MS4A1: variants seen among roughly 807,000 people sequenced by gnomAD.
MS4A1 encodes the protein B-lymphocyte antigen CD20.
A neutral mutation model predicts 26.5 loss-of-function variants in MS4A1; 16 were observed. The ratio of observed to expected loss-of-function variants is 0.60; its 90% CI spans 0.41 to 0.92. The LOEUF is 0.92. MS4A1 is among the 40% of genes least tolerant of loss of function. The probability of loss-of-function intolerance (pLI) is 0.00; values close to 1 mark genes in which losing one functional copy is unlikely to be tolerated. For synonymous variants in MS4A1, 128 were observed against 117.6 expected, an observed-to-expected ratio of 1.09 and a Z score of -0.57; for missense variants, 350 against 353.0, an observed-to-expected ratio of 0.99 and a Z score of 0.07.
rs2086293912 is a variant in MS4A1, at chr11:60,466,614, G to A, written c.574-345G>A. ...AAAATGCATCTCCCAAGGATGAAGAGGTCTCCTAGGCATGATGCCACACCA... is the reference window on the plus strand; with the variant it reads ...AAAATGCATCTCCCAAGGATGAAGAAGTCTCCTAGGCATGATGCCACACCA... On this transcript the variant is annotated intron_variant, in intron 6 of 7. Transcript: ENST00000345732. The A allele has an allele frequency of 2.0e-5, 7 of 349,648 alleles. No homozygotes were observed. In the East Asian group the frequency reaches 4.7e-4, roughly 24 times the overall value. The allele number at this position is 349,648 out of a possible 1,614,324, so 21.7% of individuals were successfully genotyped here. A position where few individuals can be genotyped will look rare whatever the true frequency, so the allele number is the denominator to read the frequency against.
chr11:60,469,020 C>T lies in MS4A1; in HGVS notation c.*552C>T, dbSNP rs1338577259. 1 of 154,564 alleles carries T rather than the reference C, an allele frequency of 6.5e-6. No homozygotes were observed. Among genetic ancestry groups the T allele is most frequent in the Non-Finnish European group, 1.4e-5 (1 of 69,578 alleles). 9.6% of individuals were successfully genotyped at this position (154,564 alleles called of 1,614,324 possible). A position where few individuals can be genotyped will look rare whatever the true frequency, so the allele number is the denominator to read the frequency against. On this transcript the variant is annotated 3_prime_UTR_variant, in exon 8 of 8. Coordinates refer to ENST00000345732, the MANE Select transcript of MS4A1 (RefSeq NM_152866.3). ...TGGCACATTCTTAGAGTTACCACAC[C>T]CCATGAGGGAAGCTCTAAATAGCCA...
At chr11:60,462,892 T>G in intron 3 of MS4A1, 110 bp from the exon 4 acceptor site, 1 of 1,527,524 alleles carries the variant, frequency 6.5e-7, no homozygotes, top group Non-Finnish European at 9.0e-7. Flanking sequence ...ACTGCTTCCT[T>G]TAGGCATTCC....
At chr11:60,465,623 G>GATCT in intron 5 of MS4A1, 1 of 361,410 alleles carries the variant, frequency 2.8e-6, no homozygotes, top group South Asian at 3.3e-5. Context: ...TAGGATGGTG[G>GATCT]CAGTGGCAGT....
chr11:60,458,233 A>G (rs1442397500), intron 1 of MS4A1: 1 of 152,220 alleles, frequency 6.6e-6, no homozygotes, highest in Non-Finnish European at 1.5e-5. Context: ...CCTCGGAGAT[A>G]GGTGCACAGG....
At position 60,465,930 on chromosome 11, in the gene MS4A1, A is replaced by G. The variant is rs762309000; in HGVS notation, c.346A>G (p.Lys116Glu). 6.2e-7 allele frequency: 1 copy of G among 1,612,834 alleles called. No homozygotes were observed. Among genetic ancestry groups the G allele is most frequent in the East Asian group, 2.2e-5 (1 of 44,848 alleles). Residue 116 changes from lysine to glutamate, a missense_variant, in exon 6 of 8, where the codon AAA becomes GAA. Coordinates refer to ENST00000345732, the MANE Select transcript of MS4A1 (RefSeq NM_152866.3). ...KNSRKCLVKGKMIMNSLSLFA... is the reference protein window; with the variant it reads ...KNSRKCLVKGEMIMNSLSLFA... The stretch of plus-strand genomic sequence containing the variant: ...TGTGTCTCCATTTCAGGTCAAAGGA[A>G]AAATGATAATGAATTCATTGAGCCT...
intron 1 of MS4A1, among the ~76,000 whole-genome samples, chr11:60,460,044 A>C (rs762760459): frequency 9.2e-5 from 14 of 152,032 alleles, no homozygotes; most frequent in Non-Finnish European, 1.9e-4. Context: ...CCAGGAGTTC[A>C]AGACCAGCCT....
chr11:60,460,122 C>T (rs141339258), intron 1 of MS4A1, among the ~76,000 whole-genome samples: 245 of 152,058 alleles, frequency 1.6e-3, no homozygotes, highest in Middle Eastern at 0.014. Flanking sequence ...GGTGGTTGCC[C>T]GTGGTCCCAG....
rs7112881 is a variant in MS4A1 at position 60,468,127 on chromosome 11, G to C, written c.676-123G>C. ...TGCAAAAAAATTTTGGCATTTAAAGGCATATAATAAATGACATAAGTAGCA... is the reference window on the plus strand; with the variant it reads ...TGCAAAAAAATTTTGGCATTTAAAGCCATATAATAAATGACATAAGTAGCA... On this transcript the variant is annotated intron_variant, in intron 7 of 7. Coordinates refer to ENST00000345732, the MANE Select transcript of MS4A1 (RefSeq NM_152866.3). 7.2e-3 allele frequency: 6,569 copies of C among 918,060 alleles called. 287 individuals carry two copies. In the Admixed American group the frequency reaches 0.1, roughly 14 times the overall value. 56.9% of individuals were successfully genotyped at this position (918,060 alleles called of 1,614,324 possible).
At chr11:60,462,100 C>T (rs2086252402) in intron 2 of MS4A1, 85 bp from the exon 3 acceptor site, 1 of 538,046 alleles carries the variant, frequency 1.9e-6, no homozygotes, top group South Asian at 1.8e-5. Flanking sequence ...ATAAAGAATG[C>T]CCCAAACCCA....
intron 1 of MS4A1, among the ~76,000 whole-genome samples, chr11:60,459,404 T>G (rs1041166736): frequency 6.6e-6 from 1 of 152,206 alleles, no homozygotes; most frequent in Admixed American, 6.5e-5. Context: ...CAACTATAAT[T>G]ATCTGGACTC....
intron 5 of MS4A1, 145 bp downstream of exon 5, chr11:60,464,489 A>T: frequency 1.4e-6 from 1 of 725,848 alleles, no homozygotes; most frequent in Non-Finnish European, 2.4e-6. Flanking sequence ...TTGTGATTTT[A>T]TTTATGAAAA....
At chr11:60,463,794 T>G (rs1349533664) in intron 4 of MS4A1, 8 of 455,716 alleles carry the variant, frequency 1.8e-5, no homozygotes, top group African/African-American at 1.6e-4. Context: ...TGAGCAATAG[T>G]CATCATCACT....
chr11:60,457,418 G>A (rs1283055519), intron 1 of MS4A1, among the ~76,000 whole-genome samples: 8 of 152,154 alleles, frequency 5.3e-5, no homozygotes, highest in African/African-American at 1.4e-4. Flanking sequence ...AACAGTGATC[G>A]GGAGCTTGAT....
intron 5 of MS4A1, among the ~76,000 whole-genome samples, chr11:60,465,163 A>G (rs2086280653): frequency 6.6e-6 from 1 of 152,194 alleles, no homozygotes; most frequent in African/African-American, 2.4e-5. Context: ...TAGGTCATAG[A>G]GCCAGGAATG....
chr11:60,464,395 T>C (rs1483690474), intron 5 of MS4A1, 51 bp downstream of exon 5: 2 of 1,571,546 alleles, frequency 1.3e-6, no homozygotes, highest in African/African-American at 2.7e-5. Flanking sequence ...GTACCTATTT[T>C]TTTCGGTTAA....
At chr11:60,467,302 G>A (rs1193136412) in intron 7 of MS4A1, among the ~76,000 whole-genome samples, 1 of 141,162 alleles carries the variant, frequency 7.1e-6, no homozygotes, top group Non-Finnish European at 1.5e-5. Flanking sequence ...TTTTGAGACA[G>A]AGTCTCACTT....
intron 7 of MS4A1, 60 bp downstream of exon 7, chr11:60,467,120 C>A (rs2086298676): frequency 7.5e-7 from 1 of 1,336,926 alleles, no homozygotes; most frequent in South Asian, 1.2e-5. Context: ...CACAAAGGAT[C>A]ATTTATGGAG....
At chr11:60,463,219 T>C (rs2086263626) in intron 4 of MS4A1, 98 bp downstream of exon 4, 2 of 1,519,466 alleles carry the variant, frequency 1.3e-6, no homozygotes, top group Non-Finnish European at 1.8e-6. Flanking sequence ...TTGAGGGAAA[T>C]ATATGAGTAG....
In MS4A1 at chr11:60,468,808, G is replaced by C. The variant is rs2086318095; in HGVS notation, c.*340G>C. On this transcript the variant is annotated 3_prime_UTR_variant, in exon 8 of 8. Coordinates refer to ENST00000345732, the MANE Select transcript of MS4A1 (RefSeq NM_152866.3). Reference sequence around the variant, plus strand: ...GTCATTTTCTCCATCAACAACCAGGGAGACTGCACCTGATGGAAAAGATAT... The same window carrying C: ...GTCATTTTCTCCATCAACAACCAGGCAGACTGCACCTGATGGAAAAGATAT... The C allele has an allele frequency of 3.8e-6, 1 of 262,710 alleles. No individual in the cohort carries two copies. The highest frequency in any genetic ancestry group is 8.6e-5 in the East Asian group (1 of 11,580). The allele number at this position is 262,710 out of a possible 1,614,324, so 16.3% of individuals were successfully genotyped here.
Sources: allele counts gnomAD v4.1 joint callset (sites outside exome capture counted in the v4.1 genomes callset), GRCh38; gene constraint gnomAD v4.1.1; transcripts MANE v1.5; gene names NCBI Gene and HGNC (gene_info 2026-07-23, HGNC 2026-07-21).